Variants in CCL11 observed in about 807,000 individuals in gnomAD.
The protein encoded by CCL11 is C-C motif chemokine ligand 11.
Under a neutral mutation model 7.3 loss-of-function variants are expected in CCL11, and 7 were observed. The observed-to-expected ratio is 0.96, with a 90% CI of 0.55 to 1.81. The LOEUF (loss-of-function observed/expected upper bound fraction) is 1.81. Ranked by LOEUF, CCL11 falls within the 40% of genes most tolerant of loss-of-function variation. CCL11 has a pLI of 0.00. For missense variants in CCL11, 132 were observed against 114.2 expected, an observed-to-expected ratio of 1.16 and a Z score of -0.71; for synonymous variants, 66 against 45.2, an observed-to-expected ratio of 1.46 and a Z score of -1.84.
At position 34,287,138 on chromosome 17, in the gene CCL11, A is replaced by T. The variant is rs764694346; in HGVS notation, c.119A>T (p.Lys40Met). ...TTCCFNLANR[K>M]IPLQRLESYR... ...TGCTGCTTTAACCTGGCCAATAGGA[A>T]GATACCCCTTCAGCGACTAGAGAGC... Residue 40 changes from lysine to methionine, a missense_variant, in exon 2 of 3, where the codon AAG becomes ATG. Physicochemically the swap from Lys to Met is moderately conservative, Grantham distance 95. Transcript: ENST00000305869. 3.7e-6 allele frequency: 6 copies of T among 1,613,908 alleles called. No homozygotes were observed. In the East Asian group the frequency reaches 1.3e-4, roughly 36 times the overall value.
In CCL11 at chr17:34,285,895, C is replaced by T; in HGVS notation, c.76+11C>T. The T allele has an allele frequency of 1.3e-6, 2 of 1,595,866 alleles. No individual in the cohort carries two copies. Among genetic ancestry groups the T allele is most frequent in the Non-Finnish European group, 8.6e-7 (1 of 1,168,008 alleles). Reference sequence around the variant, plus strand: ...GGCTCGCTGGGCCAGGTAAGCCCCCCAACTCCTTACAGGAAAGGTAAGGTA... The same window carrying T: ...GGCTCGCTGGGCCAGGTAAGCCCCCTAACTCCTTACAGGAAAGGTAAGGTA... On this transcript the variant is annotated intron_variant, in intron 1 of 2. Coordinates refer to ENST00000305869, the MANE Select transcript of CCL11 (RefSeq NM_002986.3).
Position 34,287,063 on chromosome 17 carries a change from T to A in CCL11, c.77-33T>A, listed in dbSNP as rs1908652970. On this transcript the variant is annotated intron_variant, in intron 1 of 2. Transcript: ENST00000305869. Reference sequence around the variant, plus strand: ...TATGTATCATCATGTGGCTCATTTTTTTCTCTGTTCATTTTTTTTCCCCAA... The same window carrying A: ...TATGTATCATCATGTGGCTCATTTTATTCTCTGTTCATTTTTTTTCCCCAA... 2.1e-6 allele frequency: 3 copies of A among 1,446,244 alleles called. No individual in the cohort carries two copies. In the African/African-American group the frequency reaches 4.2e-5, roughly 20 times the overall value. The allele number at this position is 1,446,244 out of a possible 1,614,324, so 89.6% of individuals were successfully genotyped here.
intron 2 of CCL11, 150 bp downstream of exon 2, chr17:34,287,357 T>C: frequency 1.5e-6 from 1 of 669,440 alleles, no homozygotes; most frequent in Non-Finnish European, 2.6e-6. Flanking sequence ...GAGTGTTCAC[T>C]CCCAGCTCCC....
rs200920749 is a variant in CCL11, at chr17:34,287,183, G to T, written c.164G>T (p.Gly55Val). ...GAGAGCTACAGGAGAATCACCAGTG[G>T]CAAATGTCCCCAGAAAGCTGTGATG... is the stretch of plus-strand genomic sequence containing the variant. ...RLESYRRITSGKCPQKAVIFK... is the reference protein window; with the variant it reads ...RLESYRRITSVKCPQKAVIFK... Residue 55 changes from glycine to valine, a missense_variant, in exon 2 of 3, where the codon GGC becomes GTC. Transcript: ENST00000305869. The T allele has an allele frequency of 1.2e-6, 2 of 1,613,552 alleles. No individual in the cohort carries two copies. The highest frequency in any genetic ancestry group is 1.7e-6 in the Non-Finnish European group (2 of 1,179,540).
Position 34,287,862 on chromosome 17 carries a change from C to T in CCL11, c.*172C>T, listed in dbSNP as rs1308721086. On this transcript the variant is annotated 3_prime_UTR_variant, in exon 3 of 3. Coordinates refer to ENST00000305869, the MANE Select transcript of CCL11 (RefSeq NM_002986.3). ...ACGTATTGCATTTAATTTATTGAGG[C>T]TTTAAAACTTATCCTCCATGAATAT... 1.1e-5 allele frequency: 3 copies of T among 280,218 alleles called. No individual in the cohort carries two copies. Among genetic ancestry groups the T allele is most frequent in the Non-Finnish European group, 1.3e-5 (2 of 157,110 alleles). The allele number at this position is 280,218 out of a possible 1,614,324, so 17.4% of individuals were successfully genotyped here.
rs1567648688 is a variant in CCL11, at chr17:34,287,830, A to ATT, written c.*140_*141insTT. 1.3e-4 allele frequency: 38 copies of ATT among 290,910 alleles called. No homozygotes were observed. The highest frequency in any genetic ancestry group is 9.2e-4 in the Middle Eastern group (1 of 1,090). The allele number at this position is 290,910 out of a possible 1,614,324, so 18.0% of individuals were successfully genotyped here. On this transcript the variant is annotated 3_prime_UTR_variant, in exon 3 of 3. Coordinates refer to ENST00000305869, the MANE Select transcript of CCL11 (RefSeq NM_002986.3). ...TATATATATATATTTTTTTTTTTAA[A>ATT]AAAAAAACGTATTGCATTTAATTTA...
chr17:34,287,454 C>G, intron 2 of CCL11, 131 bp from the exon 3 acceptor site: 3 of 691,726 alleles, frequency 4.3e-6, no homozygotes, highest in Non-Finnish European at 7.6e-6. Context: ...AGCAACTAAC[C>G]CAAGAGTCTC....
At position 34,287,947 on chromosome 17, in the gene CCL11, C is replaced by T. The variant is rs41362349; in HGVS notation, c.*257C>T. 3,622 of 183,152 alleles carry T rather than the reference C, an allele frequency of 0.02. 58 individuals are homozygous for T. Among genetic ancestry groups the T allele is most frequent in the Middle Eastern group, 0.033 (15 of 454 alleles). The allele number at this position is 183,152 out of a possible 1,614,324, so 11.3% of individuals were successfully genotyped here. A position where few individuals can be genotyped will look rare whatever the true frequency, so the allele number is the denominator to read the frequency against. Reference sequence around the variant, plus strand: ...TCTTTACCCCCTGGGAGCCCCAATTCGATCCCCTGTCACGTGTGGGCAATG... The same window carrying T: ...TCTTTACCCCCTGGGAGCCCCAATTTGATCCCCTGTCACGTGTGGGCAATG... On this transcript the variant is annotated 3_prime_UTR_variant, in exon 3 of 3. Transcript: ENST00000305869.
intron 2 of CCL11, 108 bp from the exon 3 acceptor site, chr17:34,287,477 C>T (rs1323213437): frequency 2.6e-6 from 2 of 784,050 alleles, no homozygotes; most frequent in East Asian, 5.2e-5. Flanking sequence ...CCTTCCTCCT[C>T]TCCGTAGCAA....
chr17:34,286,712 T>C (rs910267030), intron 1 of CCL11, among the ~76,000 whole-genome samples: 1 of 152,206 alleles, frequency 6.6e-6, no homozygotes, highest in African/African-American at 2.4e-5. Flanking sequence ...AATTAATGCC[T>C]CCAACCAAAC....
At chr17:34,286,492 C>G (rs1908636802) in intron 1 of CCL11, among the ~76,000 whole-genome samples, 1 of 152,198 alleles carries the variant, frequency 6.6e-6, no homozygotes, top group African/African-American at 2.4e-5. Flanking sequence ...GTTACTTTCT[C>G]ACTTGTACTA....
chr17:34,286,331 A>C (rs1908631638), intron 1 of CCL11, among the ~76,000 whole-genome samples: 2 of 152,206 alleles, frequency 1.3e-5, no homozygotes, highest in Non-Finnish European at 2.9e-5. Flanking sequence ...TCTTTGGGAA[A>C]GTTATCTAGG....
intron 2 of CCL11, 34 bp from the exon 3 acceptor site, chr17:34,287,551 C>A: frequency 3.4e-6 from 5 of 1,490,978 alleles, no homozygotes; most frequent in East Asian, 2.3e-5. Flanking sequence ...TTTTCAAAAA[C>A]AATCCTTCCA....
intron 1 of CCL11, among the ~76,000 whole-genome samples, chr17:34,286,750 C>G (rs1465855535): frequency 6.6e-6 from 1 of 152,212 alleles, no homozygotes; most frequent in African/African-American, 2.4e-5. Context: ...GCAAGTCTAC[C>G]TTGTGTCTCA....
intron 1 of CCL11, 50 bp from the exon 2 acceptor site, chr17:34,287,046 A>T (rs759569752): frequency 8.1e-7 from 1 of 1,231,688 alleles, no homozygotes; most frequent in Admixed American, 1.7e-5. Context: ...TCTATGTATC[A>T]TCATGTGGCT....
rs570336091 is a variant in CCL11, at chr17:34,287,007, C to T, written c.77-89C>T. 45 of 885,684 alleles carry T rather than the reference C, an allele frequency of 5.1e-5. No individual in the cohort carries two copies. In the Middle Eastern group the frequency reaches 6.6e-4, roughly 13 times the overall value. The allele number at this position is 885,684 out of a possible 1,614,324, so 54.9% of individuals were successfully genotyped here. On this transcript the variant is annotated intron_variant, in intron 1 of 2. Coordinates refer to ENST00000305869, the MANE Select transcript of CCL11 (RefSeq NM_002986.3). ...CTCGCAATTCCTTGCTTTCTCCTAA[C>T]TTCCTTTACAAAGTCATGCTTGGAA...
rs1418884920 is a variant in CCL11 at position 34,287,735 on chromosome 17, A to G, written c.*45A>G. On this transcript the variant is annotated 3_prime_UTR_variant, in exon 3 of 3. Transcript: ENST00000305869. ...CCAAACCAGAGCCTGAGTGTTGCCTAATTTGTTTTCCCTTCTTACAATGCA... is the reference window on the plus strand; with the variant it reads ...CCAAACCAGAGCCTGAGTGTTGCCTGATTTGTTTTCCCTTCTTACAATGCA... The G allele has an allele frequency of 2.2e-6, 3 of 1,344,132 alleles. No individual in the cohort carries two copies. Among genetic ancestry groups the G allele is most frequent in the Non-Finnish European group, 3.2e-6 (3 of 939,020 alleles). The allele number at this position is 1,344,132 out of a possible 1,614,324, so 83.3% of individuals were successfully genotyped here.
chr17:34,287,286 CT>C (rs1567648412), intron 2 of CCL11, 79 bp downstream of exon 2: 3 of 1,031,674 alleles, frequency 2.9e-6, no homozygotes, highest in Non-Finnish European at 4.5e-6. Context: ...GTCACAGTTG[CT>C]GGGAGTCATA....
At position 34,287,206 on chromosome 17, in the gene CCL11, A is replaced by G; in HGVS notation, c.187A>G (p.Ile63Val). The change falls in exon 2 of 3, where the codon ATC becomes GTC. Residue 63 changes from isoleucine (I) to valine (V), a missense_variant and splice_region_variant. Physicochemically the swap from Ile to Val is conservative, Grantham distance 29 (BLOSUM62 3). Transcript: ENST00000305869. ...TGGCAAATGTCCCCAGAAAGCTGTGATGTAAGTAAATAAAGTTCACCCTCC... is the reference window on the plus strand; with the variant it reads ...TGGCAAATGTCCCCAGAAAGCTGTGGTGTAAGTAAATAAAGTTCACCCTCC... ...TSGKCPQKAV[I>V]FKTKLAKDIC... 1 of 1,606,986 alleles carries G rather than the reference A, an allele frequency of 6.2e-7. No individual in the cohort carries two copies. Among genetic ancestry groups the G allele is most frequent in the Non-Finnish European group, 8.5e-7 (1 of 1,173,600 alleles).
Sources: allele counts gnomAD v4.1 joint callset (sites outside exome capture counted in the v4.1 genomes callset), GRCh38; gene constraint gnomAD v4.1.1; transcripts MANE v1.5; gene names NCBI Gene and HGNC (gene_info 2026-07-23, HGNC 2026-07-21).